Variants in PCDHGB7 observed in about 807,000 individuals in gnomAD.
The protein encoded by PCDHGB7 is protocadherin gamma-B7.
In PCDHGB7, 37 loss-of-function variants were observed where a neutral mutation model predicts 61.4. That is an observed-to-expected ratio of 0.60 (90% CI 0.46 to 0.79). PCDHGB7 has a LOEUF of 0.79. Ranked by LOEUF, PCDHGB7 falls within the 30% of genes least tolerant of loss-of-function variation. PCDHGB7 has a pLI of 0.00. For synonymous variants in PCDHGB7, 464 were observed against 503.5 expected (o/e 0.92, Z 1.05); for missense variants, 1,166 against 1,202.5 (o/e 0.97, Z 0.45).
chr5:141,453,341 C>T (rs1327119655), intron 1 of PCDHGB7, among the ~76,000 whole-genome samples: 2 of 151,822 alleles, frequency 1.3e-5, no homozygotes, highest in East Asian at 3.9e-4. Context: ...CTATGTTTCC[C>T]CAGGCTGACC....
chr5:141,500,433 T>C (rs1398344932), intron 2 of PCDHGB7, among the ~76,000 whole-genome samples: 1 of 151,764 alleles, frequency 6.6e-6, no homozygotes, highest in East Asian at 1.9e-4. Context: ...ATGGTCTCGA[T>C]CTCCTGACCT....
At position 141,489,632 on chromosome 5, in the gene PCDHGB7, C is replaced by T; in HGVS notation, c.2416-5175C>T. 6.2e-7 allele frequency: 1 copy of T among 1,614,138 alleles called. No homozygotes were observed. Among genetic ancestry groups the T allele is most frequent in the Non-Finnish European group, 8.5e-7 (1 of 1,180,010 alleles). Reference sequence around the variant, plus strand: ...ATCCTGGATCTCAATGACAACTCTCCTAGCTTTGCCACCCCTGAGCGAGAG... The same window carrying T: ...ATCCTGGATCTCAATGACAACTCTCTTAGCTTTGCCACCCCTGAGCGAGAG... On this transcript the variant is annotated intron_variant, in intron 1 of 3. Transcript: ENST00000398594. The surrounding 1 kb of genome is among the most constrained non-coding windows in gnomAD (Gnocchi z 4.5).
Position 141,476,876 on chromosome 5 carries a change from C to A in PCDHGB7, c.2416-17931C>A, listed in dbSNP as rs1201654822. 1.2e-6 allele frequency: 2 copies of A among 1,613,994 alleles called. No individual in the cohort carries two copies. Among genetic ancestry groups the A allele is most frequent in the Non-Finnish European group, 1.7e-6 (2 of 1,180,048 alleles). ...CCAGTCCTTGTACCGGGCGCGCGTC[C>A]TGGAGGATGCACCCTCCGGCACGCG... On this transcript the variant is annotated intron_variant, in intron 1 of 3. Transcript: ENST00000398594. The surrounding 1 kb of genome is among the most constrained non-coding windows in gnomAD (Gnocchi z 7.6).
Position 141,476,836 on chromosome 5 carries a change from T to G in PCDHGB7, c.2416-17971T>G. 1 of 1,613,652 alleles carries G rather than the reference T, an allele frequency of 6.2e-7. No homozygotes were observed. The highest frequency in any genetic ancestry group is 8.5e-7 in the Non-Finnish European group (1 of 1,180,042). On this transcript the variant is annotated intron_variant, in intron 1 of 3. Coordinates refer to ENST00000398594, the MANE Select transcript of PCDHGB7 (RefSeq NM_018927.4). The surrounding 1 kb of genome is among the most constrained non-coding windows in gnomAD (Gnocchi z 7.6). ...TCAAGGTGCTGGACGCGAATGACAATGCGCCTGTCTTCAACCAGTCCTTGT... is the reference window on the plus strand; with the variant it reads ...TCAAGGTGCTGGACGCGAATGACAAGGCGCCTGTCTTCAACCAGTCCTTGT...
chr5:141,496,916 T>C (rs1252437822), intron 2 of PCDHGB7, among the ~76,000 whole-genome samples: 4 of 148,274 alleles, frequency 2.7e-5, no homozygotes, highest in African/African-American at 9.9e-5. Context: ...CTGGGCACTG[T>C]GGTTCACGCC....
chr5:141,430,914 T>G (rs750607631), intron 1 of PCDHGB7: 1 of 1,607,676 alleles, frequency 6.2e-7, no homozygotes, highest in Non-Finnish European at 8.5e-7. Context: ...TCCAGGGACC[T>G]GGGGCTGGAG....
At chr5:141,460,231 G>A (rs911633731) in intron 1 of PCDHGB7, among the ~76,000 whole-genome samples, 3 of 152,028 alleles carry the variant, frequency 2.0e-5, no homozygotes, top group Non-Finnish European at 4.4e-5. Context: ...CTTTTGAAGA[G>A]CAGAAGATGT....
intron 1 of PCDHGB7, among the ~76,000 whole-genome samples, chr5:141,458,201 T>C (rs973995736): frequency 6.6e-6 from 1 of 152,168 alleles, no homozygotes; most frequent in African/African-American, 2.4e-5. Context: ...AGGCCATAAA[T>C]AGTTTAAAAT....
intron 1 of PCDHGB7, among the ~76,000 whole-genome samples, chr5:141,433,766 G>A (rs2097649774): frequency 6.6e-6 from 1 of 151,888 alleles, no homozygotes; most frequent in South Asian, 2.1e-4. Flanking sequence ...TAACCTGGGA[G>A]GTGGAGGTTG....
intron 1 of PCDHGB7, among the ~76,000 whole-genome samples, chr5:141,468,273 C>T (rs894110332): frequency 1.4e-5 from 2 of 144,550 alleles, no homozygotes; most frequent in Non-Finnish European, 3.0e-5. Flanking sequence ...TGTGGTGAGC[C>T]GAGACCACGC....
chr5:141,463,438 CTTTTTTTTTTTTTTT>C (rs71576115), intron 1 of PCDHGB7, among the ~76,000 whole-genome samples: 7 of 103,256 alleles, frequency 6.8e-5, no homozygotes, highest in African/African-American at 3.1e-4. Flanking sequence ...TTTCCTTCTC[CTTTTTTTTTTTTTTT>C]TTTTTTTTTT....
At chr5:141,488,139 T>C (rs906194527) in intron 1 of PCDHGB7, among the ~76,000 whole-genome samples, 2 of 152,084 alleles carry the variant, frequency 1.3e-5, no homozygotes, top group Non-Finnish European at 2.9e-5. Context: ...AGGAGAGAAC[T>C]AAAGGAATAG....
rs898536568 is a variant in PCDHGB7 at position 141,478,080 on chromosome 5, C to T, written c.2416-16727C>T. The T allele has an allele frequency of 1.9e-6, 3 of 1,614,012 alleles. No homozygotes were observed. The Admixed American group carries it at 5.0e-5, about 27-fold the overall frequency. The stretch of plus-strand genomic sequence containing the variant: ...TTGATCAAAGACAATGGGGAGCCTT[C>T]GCTCTCCACCACTGCTACCCTCACT... On this transcript the variant is annotated intron_variant, in intron 1 of 3. Coordinates refer to ENST00000398594, the MANE Select transcript of PCDHGB7 (RefSeq NM_018927.4).
At chr5:141,451,170 A>G (rs960062747) in intron 1 of PCDHGB7, among the ~76,000 whole-genome samples, 8 of 152,148 alleles carry the variant, frequency 5.3e-5, no homozygotes, top group East Asian at 3.9e-4. Flanking sequence ...GTAGTATATT[A>G]TTTAGCCATT....
intron 1 of PCDHGB7, among the ~76,000 whole-genome samples, chr5:141,470,825 C>A (rs557419577): frequency 6.6e-6 from 1 of 152,182 alleles, no homozygotes; most frequent in Admixed American, 6.5e-5. Context: ...GTAGTTAGGA[C>A]GACAAACACA....
At position 141,419,449 on chromosome 5, in the gene PCDHGB7, C is replaced by T. The variant is rs780917543; in HGVS notation, c.1590C>T (p.Leu530=). The T allele has an allele frequency of 3.1e-6, 5 of 1,612,958 alleles. No individual in the cohort carries two copies. The highest frequency in any genetic ancestry group is 4.2e-6 in the Non-Finnish European group (5 of 1,179,700). Residue 530 remains leucine (L), a synonymous_variant, in exon 1 of 4, where the codon CTC becomes CTT. Coordinates refer to ENST00000398594, the MANE Select transcript of PCDHGB7 (RefSeq NM_018927.4). Reference sequence around the variant, plus strand: ...ACGAGCAGCTGCGCACCTTCGAGCTCACGCTGCAGGCCCGCGACCAGGGCT... The same window carrying T: ...ACGAGCAGCTGCGCACCTTCGAGCTTACGCTGCAGGCCCGCGACCAGGGCT... ...FDHEQLRTFE[L]TLQARDQGSP...
At position 141,498,920 on chromosome 5, in the gene PCDHGB7, G is replaced by A. The variant is rs930391165; in HGVS notation, c.2474+4055G>A. On this transcript the variant is annotated intron_variant, in intron 2 of 3. Transcript: ENST00000398594. ...TGCACTCCAGTCTGGGTGACAGAGC[G>A]AGACTCCATCAGGAAAGAAAGAAAG... 3.3e-4 allele frequency among the ~76,000 whole-genome samples: 47 copies of A among 142,950 alleles called. 1 individual carries two copies. Among genetic ancestry groups the A allele is most frequent in the African/African-American group, 8.9e-4 (35 of 39,160 alleles). The allele number at this position is 142,950 out of a possible 152,430, so 93.8% of individuals were successfully genotyped here. A position where few individuals can be genotyped will look rare whatever the true frequency, so the allele number is the denominator to read the frequency against.
At chr5:141,484,789 A>T (rs1215899787) in intron 1 of PCDHGB7, among the ~76,000 whole-genome samples, 1 of 152,132 alleles carries the variant, frequency 6.6e-6, no homozygotes, top group Non-Finnish European at 1.5e-5. Flanking sequence ...CCACAGAGAT[A>T]ACAACCCGTG....
chr5:141,446,415 T>C (rs1275165245), intron 1 of PCDHGB7, among the ~76,000 whole-genome samples: 2 of 152,046 alleles, frequency 1.3e-5, no homozygotes, highest in African/African-American at 4.8e-5. Flanking sequence ...GTTCCAGCCA[T>C]GTTCATTTGA....
Sources: gnomAD v4.1 joint callset for allele counts (sites outside exome capture counted in the v4.1 genomes callset) on GRCh38, gnomAD v4.1.1 for gene constraint, Gnocchi (gnomAD v3.1) non-coding constraint, MANE v1.5 for transcripts, NCBI Gene and HGNC (gene_info 2026-07-23, HGNC 2026-07-21) for gene names.